Variants in PAX7 observed in about 807,000 individuals in gnomAD.
The protein encoded by PAX7 is paired box protein Pax-7.
Under a neutral mutation model 50.7 loss-of-function variants are expected in PAX7, and 18 were observed. That is an observed-to-expected ratio of 0.36 (90% CI 0.25 to 0.53). The LOEUF (loss-of-function observed/expected upper bound fraction) is 0.53, where lower values mean the gene tolerates loss of function less well. Ranked by LOEUF, PAX7 falls within the 20% of genes least tolerant of loss-of-function variation. The pLI is 0.93. For missense variants in PAX7, 644 were observed against 702.9 expected (o/e 0.92, Z 0.95); for synonymous variants, 310 against 290.4 (o/e 1.07, Z -0.69).
chr1:18,725,014 T>G (rs927681791), intron 7 of PAX7, among the ~76,000 whole-genome samples: 7 of 152,172 alleles, frequency 4.6e-5, no homozygotes, highest in African/African-American at 1.7e-4. Flanking sequence ...GATGGGCACA[T>G]AGTAGGTGCT....
intron 7 of PAX7, among the ~76,000 whole-genome samples, chr1:18,733,276 C>T (rs1345559565): frequency 2.0e-5 from 3 of 152,042 alleles, no homozygotes; most frequent in African/African-American, 4.8e-5. Flanking sequence ...ACTGTTGACC[C>T]GACCACAACA....
At chr1:18,724,498 A>G (rs1280003535) in intron 7 of PAX7, among the ~76,000 whole-genome samples, 1 of 152,220 alleles carries the variant, frequency 6.6e-6, no homozygotes, top group Non-Finnish European at 1.5e-5. Context: ...GAGGGACAGC[A>G]CTGCAATTGA....
intron 4 of PAX7, among the ~76,000 whole-genome samples, chr1:18,681,483 G>A (rs2088898778): frequency 6.6e-6 from 1 of 152,136 alleles, no homozygotes; most frequent in Non-Finnish European, 1.5e-5. Context: ...TCTGAATTCT[G>A]TCCATGCAAC....
At chr1:18,720,282 A>T (rs1364296116) in intron 7 of PAX7, among the ~76,000 whole-genome samples, 2 of 152,202 alleles carry the variant, frequency 1.3e-5, no homozygotes, top group African/African-American at 4.8e-5. Flanking sequence ...CACCCTGAAC[A>T]GCAGAGGACA....
At chr1:18,736,482 A>T (rs1229887407) in intron 8 of PAX7, among the ~76,000 whole-genome samples, 1 of 151,550 alleles carries the variant, frequency 6.6e-6, no homozygotes, top group East Asian at 1.9e-4. Flanking sequence ...AAAAAAAAAA[A>T]TCAAGGAGAA....
intron 8 of PAX7, among the ~76,000 whole-genome samples, chr1:18,740,595 T>C (rs1931080017): frequency 6.6e-6 from 1 of 152,186 alleles, no homozygotes; most frequent in Non-Finnish European, 1.5e-5. Context: ...ATGAGGGTGC[T>C]CGCCTTGTTG....
intron 4 of PAX7, among the ~76,000 whole-genome samples, chr1:18,686,515 C>T (rs2088978363): frequency 6.6e-6 from 1 of 152,220 alleles, no homozygotes; most frequent in Admixed American, 6.5e-5. Flanking sequence ...ACGTCCCCCT[C>T]CTCGAACCAG....
rs570631887 is a variant in PAX7, at chr1:18,631,679, C to T, written c.76C>T (p.Pro26Ser). The T allele has an allele frequency of 1.2e-6, 2 of 1,612,450 alleles. No individual in the cohort carries two copies. Among genetic ancestry groups the T allele is most frequent in the Non-Finnish European group, 1.7e-6 (2 of 1,179,610 alleles). ...PGQNYPRTGF[P>S]LEVSTPLGQG... ...GCAGAACTACCCCCGCACGGGATTCCCTTTGGAAGGTAAGAACGCCCAGGC... is the reference window on the plus strand; with the variant it reads ...GCAGAACTACCCCCGCACGGGATTCTCTTTGGAAGGTAAGAACGCCCAGGC... Residue 26 changes from proline to serine, a missense_variant, in exon 1 of 9, where the codon CCT becomes TCT. Transcript: ENST00000420770.
intron 7 of PAX7, among the ~76,000 whole-genome samples, chr1:18,704,611 C>T (rs143310367): frequency 0.015 from 2,285 of 152,008 alleles, 44 homozygotes; most frequent in Middle Eastern, 0.027. Context: ...CAGAGTGAGA[C>T]TCCATCTCAA....
intron 4 of PAX7, among the ~76,000 whole-genome samples, chr1:18,684,254 A>G (rs2088942303): frequency 6.6e-6 from 1 of 152,220 alleles, no homozygotes; most frequent in Admixed American, 6.5e-5. Flanking sequence ...TCCTGGCCTC[A>G]GTGCTGGGCC....
rs146365062 is a variant in PAX7 at position 18,712,097 on chromosome 1, G to A, written c.1155+8801G>A. ...GCCAGCCCCAGGGTAGGGATGAACTGCAAGGCTCAGGGAAGCAGCCAAGGC... is the reference window on the plus strand; with the variant it reads ...GCCAGCCCCAGGGTAGGGATGAACTACAAGGCTCAGGGAAGCAGCCAAGGC... On this transcript the variant is annotated intron_variant, in intron 7 of 8. Transcript: ENST00000420770. Among the ~76,000 whole-genome samples the A allele has an allele frequency of 6.2e-3, 934 of 150,056 alleles. 10 individuals are homozygous for A. The highest frequency in any genetic ancestry group is 0.021 in the African/African-American group (877 of 40,880).
intron 8 of PAX7, among the ~76,000 whole-genome samples, chr1:18,739,292 A>C (rs9439734): frequency 6.6e-6 from 1 of 152,184 alleles, no homozygotes; most frequent in African/African-American, 2.4e-5. Context: ...GCAGCGATAC[A>C]CACCTGAGCC....
Position 18,636,009 on chromosome 1 carries a change from GCA to G in PAX7, c.452-225_452-224del, listed in dbSNP as rs1307349077. Reference sequence around the variant, plus strand: ...TGCATGCAAGCATCTGCATAGAAATGCACAGTCTAACCACCCTGTGAGTGCCC... The same window carrying G: ...TGCATGCAAGCATCTGCATAGAAATGCAGTCTAACCACCCTGTGAGTGCCC... On this transcript the variant is annotated intron_variant, in intron 3 of 8. Transcript: ENST00000420770. This position sits in a 1 kb window ranked among gnomAD's most constrained non-coding sequence, Gnocchi z 5.1. 1.3e-4 allele frequency among the ~76,000 whole-genome samples: 20 copies of G among 152,272 alleles called. No homozygotes were observed. Among genetic ancestry groups the G allele is most frequent in the Admixed American group, 7.8e-4 (12 of 15,308 alleles).
chr1:18,634,407 C>T lies in PAX7; in HGVS notation c.190C>T (p.His64Tyr), dbSNP rs1311783089. 5.0e-6 allele frequency: 8 copies of T among 1,614,224 alleles called. No homozygotes were observed. The highest frequency in any genetic ancestry group is 6.8e-6 in the Non-Finnish European group (8 of 1,180,048). The change falls in exon 2 of 9, where the codon CAC becomes TAC. Residue 64 changes from histidine to tyrosine, a missense_variant. His to Tyr is a moderately conservative substitution (Grantham distance 83, BLOSUM62 2). Coordinates refer to ENST00000420770, the MANE Select transcript of PAX7 (RefSeq NM_001135254.2). This position sits in a 1 kb window ranked among gnomAD's most constrained non-coding sequence, Gnocchi z 4.0. Reference protein sequence around the residue: ...HIRHKIVEMAHHGIRPCVISR... With the variant: ...HIRHKIVEMAYHGIRPCVISR... ...CCGCCACAAGATAGTGGAGATGGCCCACCATGGCATCCGGCCCTGTGTCAT... is the reference window on the plus strand; with the variant it reads ...CCGCCACAAGATAGTGGAGATGGCCTACCATGGCATCCGGCCCTGTGTCAT...
At position 18,700,582 on chromosome 1, in the gene PAX7, T is replaced by A. The variant is rs1404021324; in HGVS notation, c.787-71T>A. On this transcript the variant is annotated intron_variant, in intron 5 of 8. Coordinates refer to ENST00000420770, the MANE Select transcript of PAX7 (RefSeq NM_001135254.2). The surrounding 1 kb of genome is among the most constrained non-coding windows in gnomAD (Gnocchi z 4.8). ...GAGGGTGATGGCTTGGGCAACTGGG[T>A]CTACATGTGTTGCAGCTCTCTGCCA... 2.2e-6 allele frequency: 3 copies of A among 1,384,132 alleles called. No individual in the cohort carries two copies. In the East Asian group the frequency reaches 8.0e-5, roughly 37 times the overall value. 85.7% of individuals were successfully genotyped at this position (1,384,132 alleles called of 1,614,324 possible).
chr1:18,720,432 T>C (rs1055399984), intron 7 of PAX7, among the ~76,000 whole-genome samples: 2 of 152,080 alleles, frequency 1.3e-5, no homozygotes, highest in Non-Finnish European at 2.9e-5. Context: ...CACCCTGGCA[T>C]GACAGCTCAA....
At chr1:18,727,350 C>CT (rs139020295) in intron 7 of PAX7, among the ~76,000 whole-genome samples, 3,933 of 135,432 alleles carry the variant, frequency 0.029, 103 homozygotes, top group East Asian at 0.08. Context: ...ACTCTCTCAT[C>CT]CTCTCTCTCT....
At chr1:18,685,476 C>T (rs1373234247) in intron 4 of PAX7, among the ~76,000 whole-genome samples, 1 of 152,212 alleles carries the variant, frequency 6.6e-6, no homozygotes, top group Non-Finnish European at 1.5e-5. Context: ...TTCAGTGTCT[C>T]CTGATGAGCT....
chr1:18,714,284 A>G (rs2089390952), intron 7 of PAX7, among the ~76,000 whole-genome samples: 1 of 152,196 alleles, frequency 6.6e-6, no homozygotes. Context: ...CTGTGTGATC[A>G]CAGGCAAGTT....
Sources: gnomAD v4.1 joint callset for allele counts (sites outside exome capture counted in the v4.1 genomes callset) on GRCh38, gnomAD v4.1.1 for gene constraint, Gnocchi (gnomAD v3.1) non-coding constraint, MANE v1.5 for transcripts, NCBI Gene and HGNC (gene_info 2026-07-23, HGNC 2026-07-21) for gene names.